The following PITPNM2 variants were observed in gnomAD, a reference collection of about 807,000 sequenced individuals.
PITPNM2 encodes membrane-associated phosphatidylinositol transfer protein 2.
In PITPNM2, 35 loss-of-function variants were observed where a neutral mutation model predicts 132.2. The ratio of observed to expected loss-of-function variants is 0.26; its 90% CI spans 0.20 to 0.35. PITPNM2 has a LOEUF of 0.35. PITPNM2 is among the 10% of genes least tolerant of loss of function. PITPNM2 has a pLI of 1.00. For missense variants in PITPNM2, 1,332 were observed against 1,912.0 expected (o/e 0.70, Z 5.66); for synonymous variants, 738 against 799.2 (o/e 0.92, Z 1.29).
Position 123,099,460 on chromosome 12 carries a change from T to C in PITPNM2, c.-96+10925A>G, listed in dbSNP as rs2042498341. On this transcript the variant is annotated intron_variant, in intron 2 of 25. Transcript: ENST00000320201. This position sits in a 1 kb window ranked among gnomAD's most constrained non-coding sequence, Gnocchi z 4.2. ...GAGGGAGGAGGCCCACCTTTGTGCCTGTGGGCTGACGAAGCCCTGGGGGCT... is the reference window on the plus strand; with the variant it reads ...GAGGGAGGAGGCCCACCTTTGTGCCCGTGGGCTGACGAAGCCCTGGGGGCT... 6.6e-6 allele frequency among the ~76,000 whole-genome samples: 1 copy of C among 152,188 alleles called. No individual in the cohort carries two copies. Among genetic ancestry groups the C allele is most frequent in the Admixed American group, 6.5e-5 (1 of 15,284 alleles).
Position 122,996,587 on chromosome 12 carries a change from G to A in PITPNM2, c.1663-10C>T. On this transcript the variant is annotated splice_polypyrimidine_tract_variant and intron_variant, in intron 12 of 25. Coordinates refer to ENST00000320201, the MANE Select transcript of PITPNM2 (RefSeq NM_020845.3). Reference sequence around the variant, plus strand: ...CCCCAATCAGGCAGACCTTGGGAGAGAGGGGCCAGAGGCCTGAGCCATTCA... The same window carrying A: ...CCCCAATCAGGCAGACCTTGGGAGAAAGGGGCCAGAGGCCTGAGCCATTCA... 6.2e-7 allele frequency: 1 copy of A among 1,613,066 alleles called. No individual in the cohort carries two copies. Among genetic ancestry groups the A allele is most frequent in the Non-Finnish European group, 8.5e-7 (1 of 1,179,976 alleles).
At chr12:123,132,916 T>TATG (rs921951038) in intron 1 of PITPNM2, among the ~76,000 whole-genome samples, 1 of 152,234 alleles carries the variant, frequency 6.6e-6, no homozygotes, top group Non-Finnish European at 1.5e-5. Flanking sequence ...CAGTATGGCA[T>TATG]ATGAACAGAC....
At chr12:123,024,215 A>C (rs921304335) in intron 3 of PITPNM2, among the ~76,000 whole-genome samples, 7 of 152,232 alleles carry the variant, frequency 4.6e-5, no homozygotes, top group African/African-American at 1.7e-4. Context: ...AATGCAAATC[A>C]AAACCATAAT....
intron 2 of PITPNM2, among the ~76,000 whole-genome samples, chr12:123,054,056 C>G (rs898570682): frequency 6.6e-6 from 1 of 152,122 alleles, no homozygotes. Flanking sequence ...ACATTATTCA[C>G]TCCATATCTG....
At chr12:122,996,323 A>G in intron 13 of PITPNM2, 135 bp downstream of exon 13, 1 of 1,240,720 alleles carries the variant, frequency 8.1e-7, no homozygotes, top group Admixed American at 2.5e-5. Flanking sequence ...AGCCAGATGG[A>G]CTCAGGAAGT....
chr12:123,124,838 T>C (rs1038609106), intron 1 of PITPNM2, among the ~76,000 whole-genome samples: 9 of 152,370 alleles, frequency 5.9e-5, no homozygotes, highest in Non-Finnish European at 8.8e-5. Flanking sequence ...ATCTTTATAT[T>C]TTATTACTGA....
At chr12:123,074,639 A>C (rs1368859379) in intron 2 of PITPNM2, among the ~76,000 whole-genome samples, 2 of 151,996 alleles carry the variant, frequency 1.3e-5, no homozygotes, top group Non-Finnish European at 2.9e-5. Flanking sequence ...ACCCACACAC[A>C]CACACAAACA....
In PITPNM2 at chr12:122,987,671, A is replaced by G. The variant is rs1210294650; in HGVS notation, c.3115-12T>C. ...ATGTGCACATCCACCTGGGCCCAGC[A>G]GGCTGGTCACGGGCTGGCTGTGTCT... On this transcript the variant is annotated splice_polypyrimidine_tract_variant and intron_variant, in intron 21 of 25. Coordinates refer to ENST00000320201, the MANE Select transcript of PITPNM2 (RefSeq NM_020845.3). The G allele has an allele frequency of 6.2e-7, 1 of 1,611,642 alleles. No individual in the cohort carries two copies. The highest frequency in any genetic ancestry group is 1.7e-5 in the Admixed American group (1 of 59,888).
At position 123,000,675 on chromosome 12, in the gene PITPNM2, C is replaced by T. The variant is rs992668457; in HGVS notation, c.1224+103G>A. ...CCAGGCAGGCGTGGAGGTGAGGCTGCCAGGCCCAGAGTTCCACCTCTGTAA... is the reference window on the plus strand; with the variant it reads ...CCAGGCAGGCGTGGAGGTGAGGCTGTCAGGCCCAGAGTTCCACCTCTGTAA... On this transcript the variant is annotated intron_variant, in intron 10 of 25. Coordinates refer to ENST00000320201, the MANE Select transcript of PITPNM2 (RefSeq NM_020845.3). This position sits in a 1 kb window ranked among gnomAD's most constrained non-coding sequence, Gnocchi z 5.4. The T allele has an allele frequency of 2.3e-6, 3 of 1,308,844 alleles. No individual in the cohort carries two copies. Among genetic ancestry groups the T allele is most frequent in the Non-Finnish European group, 2.1e-6 (2 of 935,272 alleles). 81.1% of individuals were successfully genotyped at this position (1,308,844 alleles called of 1,614,324 possible).
rs1846452060 is a variant in PITPNM2, at chr12:123,058,515, A to T, written c.-95-23830T>A. Among the ~76,000 whole-genome samples the T allele has an allele frequency of 6.6e-6, 1 of 152,160 alleles. No homozygotes were observed. The highest frequency in any genetic ancestry group is 1.5e-5 in the Non-Finnish European group (1 of 68,030). ...CCCCAGAATGTCACTGGAAGCCATCATGCCCCACCCACAGCCTCTCCAGGG... is the reference window on the plus strand; with the variant it reads ...CCCCAGAATGTCACTGGAAGCCATCTTGCCCCACCCACAGCCTCTCCAGGG... On this transcript the variant is annotated intron_variant, in intron 2 of 25. Transcript: ENST00000320201. The surrounding 1 kb of genome is among the most constrained non-coding windows in gnomAD (Gnocchi z 4.0).
At chr12:123,051,483 C>T (rs1213965592) in intron 2 of PITPNM2, among the ~76,000 whole-genome samples, 4 of 152,210 alleles carry the variant, frequency 2.6e-5, no homozygotes, top group Non-Finnish European at 5.9e-5. Flanking sequence ...AGTTCTGTTT[C>T]GTTGTTCAAA....
At position 122,989,768 on chromosome 12, in the gene PITPNM2, A is replaced by C; in HGVS notation, c.2731+19T>G. ...CAGCAGAGTGACCCCCAGTGAGGGG[A>C]AAGTGTGTGGGGTGGTACCTTCTCC... is the stretch of plus-strand genomic sequence containing the variant. On this transcript the variant is annotated intron_variant, in intron 18 of 25. Coordinates refer to ENST00000320201, the MANE Select transcript of PITPNM2 (RefSeq NM_020845.3). The C allele has an allele frequency of 2.2e-6, 3 of 1,371,566 alleles. No individual in the cohort carries two copies. The highest frequency in any genetic ancestry group is 1.9e-6 in the Non-Finnish European group (2 of 1,056,340). The allele number at this position is 1,371,566 out of a possible 1,614,324, so 85.0% of individuals were successfully genotyped here.
chr12:123,072,650 C>T (rs1279493163), intron 2 of PITPNM2, among the ~76,000 whole-genome samples: 8 of 152,220 alleles, frequency 5.3e-5, no homozygotes. Context: ...GACTCTCAGA[C>T]TCCAGGCCTA....
rs534907494 is a variant in PITPNM2 at position 123,064,681 on chromosome 12, A to G, written c.-95-29996T>C. Among the ~76,000 whole-genome samples the G allele has an allele frequency of 6.6e-6, 1 of 152,352 alleles. No individual in the cohort carries two copies. The highest frequency in any genetic ancestry group is 2.4e-5 in the African/African-American group (1 of 41,582). On this transcript the variant is annotated intron_variant, in intron 2 of 25. Transcript: ENST00000320201. This position sits in a 1 kb window ranked among gnomAD's most constrained non-coding sequence, Gnocchi z 4.0. ...AAGTGAGGAGGCACTGAACAGCCCCAAATACAACAGCAGGAACAGGAGAAA... is the reference window on the plus strand; with the variant it reads ...AAGTGAGGAGGCACTGAACAGCCCCGAATACAACAGCAGGAACAGGAGAAA...
intron 2 of PITPNM2, among the ~76,000 whole-genome samples, chr12:123,045,631 C>A (rs2040627141): frequency 2.6e-5 from 4 of 152,226 alleles, no homozygotes; most frequent in Admixed American, 2.6e-4. Context: ...GTGCAAGATT[C>A]CAGCACTGAG....
In PITPNM2 at chr12:122,997,530, G is replaced by A; in HGVS notation, c.1267C>T (p.His423Tyr). The A allele has an allele frequency of 4.3e-6, 7 of 1,613,076 alleles. No individual in the cohort carries two copies. Among genetic ancestry groups the A allele is most frequent in the Non-Finnish European group, 5.9e-6 (7 of 1,179,726 alleles). ...CCGTGCAGCACCAGTAGCAGCACGTGGATCTTGGAGGGCGGTGCAGCCAGC... is the reference window on the plus strand; with the variant it reads ...CCGTGCAGCACCAGTAGCAGCACGTAGATCTTGGAGGGCGGTGCAGCCAGC... The part of the protein sequence containing the change: ...QPLAAPPSKI[H>Y]VLLLVLHGGT... Residue 423 changes from histidine (H) to tyrosine (Y), a missense_variant, in exon 11 of 26, where the codon CAC becomes TAC. By Grantham distance (83) the His-to-Tyr change is moderately conservative (BLOSUM62 2). This residue lies in a region of PITPNM2 where 710 missense variants were observed against 911.5 expected (regional missense o/e 0.78). Transcript: ENST00000320201.
At position 123,150,623 on chromosome 12, in the gene PITPNM2, T is replaced by TGGAGGCTCGGCGGGCGGGCGGGCC. The variant is rs2043717845; in HGVS notation, c.-200+106_-200+129dup. ...CTCCCTCCTCCAGCCCCCGGCGGGC[T>TGGAGGCTCGGCGGGCGGGCGGGCC]GGAGGCTCGGCGGGCGGGCGGGCCG... On this transcript the variant is annotated intron_variant, in intron 1 of 25. Coordinates refer to ENST00000320201, the MANE Select transcript of PITPNM2 (RefSeq NM_020845.3). This position sits in a 1 kb window ranked among gnomAD's most constrained non-coding sequence, Gnocchi z 6.0. Among the ~76,000 whole-genome samples the TGGAGGCTCGGCGGGCGGGCGGGCC allele has an allele frequency of 6.9e-6, 1 of 145,018 alleles. No homozygotes were observed. The highest frequency in any genetic ancestry group is 2.1e-4 in the East Asian group (1 of 4,708).
At chr12:123,021,903 C>A in intron 3 of PITPNM2, 1 of 166,210 alleles carries the variant, frequency 6.0e-6, no homozygotes, top group Non-Finnish European at 1.2e-5. Context: ...AAATTAGATG[C>A]GAGCATGTGT....
chr12:123,050,627 G>A (rs1566267414), intron 2 of PITPNM2, among the ~76,000 whole-genome samples: 1 of 152,218 alleles, frequency 6.6e-6, no homozygotes, highest in African/African-American at 2.4e-5. Flanking sequence ...GTGTCCTTAG[G>A]GGATGTGAGG....
Sources: gnomAD v4.1 joint callset for allele counts (sites outside exome capture counted in the v4.1 genomes callset) on GRCh38, gnomAD v4.1.1 for gene constraint, gnomAD v4.1.1 regional missense constraint, Gnocchi (gnomAD v3.1) non-coding constraint, MANE v1.5 for transcripts, NCBI Gene and HGNC (gene_info 2026-07-23, HGNC 2026-07-21) for gene names.